The following PDE1A variants were observed in gnomAD, a reference collection of about 807,000 sequenced individuals.
PDE1A encodes phosphodiesterase 1A, also known as dual specificity calcium/calmodulin-dependent 3',5'-cyclic nucleotide phosphodiesterase 1A.
Under a neutral mutation model 61.7 loss-of-function variants are expected in PDE1A, and 35 were observed. The ratio of observed to expected loss-of-function variants is 0.57; its 90% confidence interval spans 0.43 to 0.75. PDE1A has a LOEUF of 0.75. PDE1A is among the 30% of genes least tolerant of loss of function. The pLI, the probability that PDE1A is intolerant of heterozygous loss-of-function variation, is 0.00. For synonymous variants in PDE1A, 232 were observed against 213.2 expected, an observed-to-expected ratio of 1.09 and a Z score of -0.77; for missense variants, 597 against 630.6, an observed-to-expected ratio of 0.95 and a Z score of 0.57.
the PDE1A span, among the ~76,000 whole-genome samples, chr2:182,690,500 C>T: frequency 6.6e-6 from 1 of 152,120 alleles, no homozygotes; most frequent in South Asian, 2.1e-4. Context: ...TAAAAACTCT[C>T]AATAAATTAG....
chr2:182,565,785 A>C, the PDE1A span, among the ~76,000 whole-genome samples: 4 of 152,160 alleles, frequency 2.6e-5, no homozygotes, highest in African/African-American at 9.7e-5. Flanking sequence ...ATTTCCAGTA[A>C]AAGTTCTTCC....
the PDE1A span, among the ~76,000 whole-genome samples, chr2:182,700,783 G>C: frequency 6.9e-6 from 1 of 144,692 alleles, no homozygotes. Flanking sequence ...TGGGCGTATT[G>C]GCAGGCACCT....
At chr2:182,384,204 G>A (rs1192387375) in intron 1 of PDE1A, among the ~76,000 whole-genome samples, 1 of 152,122 alleles carries the variant, frequency 6.6e-6, no homozygotes, top group Non-Finnish European at 1.5e-5. Context: ...ATACTGAAAT[G>A]AGTATCTACT....
At chr2:182,311,449 C>T (rs761067743) in intron 1 of PDE1A, among the ~76,000 whole-genome samples, 5 of 152,204 alleles carry the variant, frequency 3.3e-5, no homozygotes, top group African/African-American at 1.2e-4. Flanking sequence ...CATCACTACA[C>T]TGAAGACACA....
intron 2 of PDE1A, among the ~76,000 whole-genome samples, chr2:182,472,536 T>G (rs1687092966): frequency 6.6e-6 from 1 of 151,680 alleles, no homozygotes; most frequent in African/African-American, 2.4e-5. Flanking sequence ...TGTGGAATGG[T>G]GGACAATGAA....
chr2:182,532,765 G>A, the PDE1A span, among the ~76,000 whole-genome samples: 13 of 150,256 alleles, frequency 8.7e-5, no homozygotes, highest in Admixed American at 6.0e-4. Context: ...TCGACAGGAC[G>A]GTGAGACCCC....
At chr2:182,694,268 A>T in the PDE1A span, among the ~76,000 whole-genome samples, 4 of 152,234 alleles carry the variant, frequency 2.6e-5, no homozygotes, top group Non-Finnish European at 5.9e-5. Flanking sequence ...TTCTTTGTTG[A>T]AAATCAATTG....
At chr2:182,292,006 G>A (rs371735916) in intron 1 of PDE1A, among the ~76,000 whole-genome samples, 10 of 152,048 alleles carry the variant, frequency 6.6e-5, no homozygotes, top group South Asian at 4.1e-4. Flanking sequence ...AAAAAATGAC[G>A]TATTTCTTGG....
chr2:182,274,376 A>G (rs1368486957), intron 1 of PDE1A, among the ~76,000 whole-genome samples: 2 of 152,140 alleles, frequency 1.3e-5, no homozygotes, highest in African/African-American at 4.8e-5. Context: ...CAGAAAGAAA[A>G]GTCAACATGA....
At chr2:182,704,579 A>T in the PDE1A span, among the ~76,000 whole-genome samples, 1 of 152,212 alleles carries the variant, frequency 6.6e-6, no homozygotes, top group Non-Finnish European at 1.5e-5. Context: ...AGAAATTAAA[A>T]CATAAATTTA....
chr2:182,574,369 A>C, the PDE1A span, among the ~76,000 whole-genome samples: 1 of 152,120 alleles, frequency 6.6e-6, no homozygotes, highest in African/African-American at 2.4e-5. Flanking sequence ...ACTCAGTATT[A>C]ACAACCACAA....
chr2:182,518,256 T>A (rs1690341020), intron 2 of PDE1A, among the ~76,000 whole-genome samples: 2 of 152,192 alleles, frequency 1.3e-5, no homozygotes, highest in African/African-American at 4.8e-5. Flanking sequence ...TAAATGTATA[T>A]TTCTGCTACA....
chr2:182,527,388 A>G (rs1241247050), upstream of PDE1A, among the ~76,000 whole-genome samples: 1 of 132,980 alleles, frequency 7.5e-6, no homozygotes, highest in East Asian at 2.1e-4. Flanking sequence ...ATATATATAT[A>G]CACACATATA....
the PDE1A span, among the ~76,000 whole-genome samples, chr2:182,669,993 G>A: frequency 1.3e-5 from 2 of 152,174 alleles, no homozygotes; most frequent in Admixed American, 1.3e-4. Context: ...GGTCATTAAG[G>A]GATGATGGTG....
At chr2:182,675,883 G>A in the PDE1A span, among the ~76,000 whole-genome samples, 1 of 152,130 alleles carries the variant, frequency 6.6e-6, no homozygotes, top group Admixed American at 6.6e-5. Flanking sequence ...TTGCAAAAAT[G>A]TTCTCCCATT....
intron 13 of PDE1A, among the ~76,000 whole-genome samples, chr2:182,176,595 T>A (rs1165351621): frequency 6.7e-6 from 1 of 149,258 alleles, no homozygotes; most frequent in Non-Finnish European, 1.5e-5. Context: ...GCTGTGACCA[T>A]GGGGTTTTCT....
the PDE1A span, among the ~76,000 whole-genome samples, chr2:182,534,701 C>G: frequency 6.6e-6 from 1 of 151,152 alleles, no homozygotes; most frequent in African/African-American, 2.4e-5. Flanking sequence ...TAATTTTTGG[C>G]CTATCATGTA....
chr2:182,473,159 T>A (rs946292298), intron 2 of PDE1A, among the ~76,000 whole-genome samples: 1 of 151,678 alleles, frequency 6.6e-6, no homozygotes, highest in African/African-American at 2.4e-5. Flanking sequence ...ACCTTAGACC[T>A]AAAACCATAA....
the PDE1A span, among the ~76,000 whole-genome samples, chr2:182,597,583 G>C: frequency 6.6e-6 from 1 of 152,086 alleles, no homozygotes; most frequent in Non-Finnish European, 1.5e-5. Flanking sequence ...GGGGTAGAGA[G>C]ACCGTTTCCA....
Sources: gnomAD v4.1 joint callset for allele counts (sites outside exome capture counted in the v4.1 genomes callset) on GRCh38, gnomAD v4.1.1 for gene constraint, MANE v1.5 for transcripts, NCBI Gene and HGNC (gene_info 2026-07-23, HGNC 2026-07-21) for gene names.